The following ERMP1 variants were observed in gnomAD, a reference collection of about 807,000 sequenced individuals.
ERMP1 encodes the protein Felix-ina.
ERMP1 carries 86 observed loss-of-function variants against 92.0 expected under a neutral mutation model. The ratio of observed to expected loss-of-function variants is 0.93; its 90% CI spans 0.79 to 1.12. ERMP1 has a LOEUF of 1.12. ERMP1 is among the 50% of genes most tolerant of loss of function. ERMP1 has a pLI of 0.00. For missense variants in ERMP1, 1,342 were observed against 1,116.3 expected (o/e 1.20, Z -2.88); for synonymous variants, 530 against 412.8 (o/e 1.28, Z -3.44).
At chr9:5,841,201 G>C (rs909167749) in intron 6 of ERMP1, among the ~76,000 whole-genome samples, 2 of 152,160 alleles carry the variant, frequency 1.3e-5, no homozygotes, top group Admixed American at 6.5e-5. Flanking sequence ...CAGAAAGCCA[G>C]AAGTACCAAG....
intron 6 of ERMP1, among the ~76,000 whole-genome samples, chr9:5,849,244 A>G (rs1174748950): frequency 6.6e-6 from 1 of 152,144 alleles, no homozygotes; most frequent in Non-Finnish European, 1.5e-5. Flanking sequence ...GAGGGTCTCA[A>G]TCTCTTGACC....
intron 5 of ERMP1, among the ~76,000 whole-genome samples, chr9:5,865,753 G>A (rs1253413292): frequency 6.1e-5 from 9 of 147,700 alleles, no homozygotes; most frequent in South Asian, 2.1e-4. Flanking sequence ...CATGAGAATC[G>A]CTGGAAACTG....
intron 6 of ERMP1, among the ~76,000 whole-genome samples, chr9:5,841,315 G>A (rs551990859): frequency 6.6e-6 from 1 of 152,298 alleles, no homozygotes; most frequent in Admixed American, 6.5e-5. Context: ...GATGAGCCTT[G>A]AAAACATTGT....
intron 6 of ERMP1, among the ~76,000 whole-genome samples, chr9:5,850,584 ACT>A (rs1363487681): frequency 1.3e-5 from 2 of 152,136 alleles, no homozygotes; most frequent in African/African-American, 4.8e-5. Context: ...GAAAATGCTC[ACT>A]GTCAGTGGTT....
Position 5,784,848 on chromosome 9 carries a change from A to G in ERMP1, c.*2296T>C, listed in dbSNP as rs1340892466. 1 of 152,576 alleles carries G rather than the reference A, an allele frequency of 6.6e-6. No individual in the cohort carries two copies. Among genetic ancestry groups the G allele is most frequent in the African/African-American group, 2.4e-5 (1 of 41,454 alleles). 9.5% of individuals were successfully genotyped at this position (152,576 alleles called of 1,614,324 possible). The stretch of plus-strand genomic sequence containing the variant: ...TCAATTCCTCACACTTTTTCCCTGA[A>G]TATGCAGTACTGTACTACTAACATC... On this transcript the variant is annotated 3_prime_UTR_variant, in exon 15 of 15. Coordinates refer to ENST00000339450, the MANE Select transcript of ERMP1 (RefSeq NM_024896.3).
At chr9:5,796,812 C>T (rs1828442820) in intron 13 of ERMP1, among the ~76,000 whole-genome samples, 1 of 152,052 alleles carries the variant, frequency 6.6e-6, no homozygotes, top group African/African-American at 2.4e-5. Flanking sequence ...TACATGGCAT[C>T]ACACATTTTT....
At chr9:5,798,300 T>G (rs1352915281) in intron 12 of ERMP1, among the ~76,000 whole-genome samples, 3 of 151,918 alleles carry the variant, frequency 2.0e-5, no homozygotes, top group African/African-American at 7.3e-5. Context: ...CACCGCAACC[T>G]CCACCTCCCG....
In ERMP1 at chr9:5,853,124, C is replaced by T. The variant is rs186057490; in HGVS notation, n.3199+6344G>A. ...GGAAAGTAATGGAAAGCAAGGGTTG[C>T]TTTAGTAAGGTGTCTTTATGCCAAC... On this transcript the variant is annotated intron_variant and non_coding_transcript_variant, in intron 6 of 6. Coordinates refer to the ERMP1 transcript ENST00000690753. Among the ~76,000 whole-genome samples, 698 of 152,240 alleles carry T rather than the reference C, an allele frequency of 4.6e-3. 5 individuals carry two copies. Among genetic ancestry groups the T allele is most frequent in the Non-Finnish European group, 7.4e-3 (505 of 68,018 alleles).
Position 5,798,789 on chromosome 9 carries a change from A to C in ERMP1, c.2270+17T>G. On this transcript the variant is annotated intron_variant, in intron 12 of 14. Coordinates refer to ENST00000339450, the MANE Select transcript of ERMP1 (RefSeq NM_024896.3). ...TTGAGAACAAACTAACCTTAAGCAG[A>C]AAAATAATGAACCAACCTGATCAGA... 1 of 1,583,620 alleles carries C rather than the reference A, an allele frequency of 6.3e-7. No individual in the cohort carries two copies. The highest frequency in any genetic ancestry group is 1.1e-5 in the South Asian group (1 of 90,232).
intron 2 of ERMP1, among the ~76,000 whole-genome samples, chr9:5,829,219 CA>C (rs546458492): frequency 0.024 from 1,368 of 56,412 alleles, 10 homozygotes; most frequent in African/African-American, 0.07. Context: ...GCCCCCCAGC[CA>C]AAAAAAAAAA....
rs1827909054 is a variant in ERMP1 at position 5,785,703 on chromosome 9, GACAGATCC to G, written c.*1433_*1440del. The G allele has an allele frequency of 6.5e-6, 1 of 152,726 alleles. No homozygotes were observed. The highest frequency in any genetic ancestry group is 1.5e-5 in the Non-Finnish European group (1 of 68,040). 9.5% of individuals were successfully genotyped at this position (152,726 alleles called of 1,614,324 possible). On this transcript the variant is annotated 3_prime_UTR_variant, in exon 15 of 15. Transcript: ENST00000339450. ...ATACTTACTGTGCTCTTTCTATTCA[GACAGATCC>G]ACAGACCACCTTTCAAGAGCATTCC...
chr9:5,798,744 T>C (rs1224687307), intron 12 of ERMP1, 62 bp downstream of exon 12: 3 of 1,009,864 alleles, frequency 3.0e-6, no homozygotes, highest in Non-Finnish European at 4.6e-6. Flanking sequence ...ATGATAAGAG[T>C]ACTGATATGG....
At chr9:5,840,618 T>G (rs980559608) in intron 6 of ERMP1, among the ~76,000 whole-genome samples, 1 of 152,242 alleles carries the variant, frequency 6.6e-6, no homozygotes, top group African/African-American at 2.4e-5. Flanking sequence ...GATGCCGCAG[T>G]TCAGAGCATG....
Position 5,797,860 on chromosome 9 carries a change from T to A in ERMP1, c.2343A>T (p.Glu781Asp), listed in dbSNP as rs1828499753. Residue 781 changes from glutamate to aspartate, a missense_variant, in exon 13 of 15, where the codon GAA becomes GAT. Physicochemically the swap from Glu to Asp is conservative, Grantham distance 45. Transcript: ENST00000339450. ...NPPHFRLISK[E>D]QTPWDSIKLT... ...ATTTTATAGAATCCCAAGGTGTCTG[T>A]TCTTTGGATATGAGTCGGAAATGAG... The A allele has an allele frequency of 1.2e-6, 2 of 1,613,664 alleles. No homozygotes were observed. Among genetic ancestry groups the A allele is most frequent in the East Asian group, 4.5e-5 (2 of 44,858 alleles).
At chr9:5,792,292 T>C (rs994831490) in intron 13 of ERMP1, among the ~76,000 whole-genome samples, 7 of 152,178 alleles carry the variant, frequency 4.6e-5, no homozygotes, top group Admixed American at 3.9e-4. Flanking sequence ...GAAATCGATA[T>C]TTGAAAGATA....
intron 13 of ERMP1, among the ~76,000 whole-genome samples, chr9:5,792,506 C>A (rs1184708071): frequency 6.6e-6 from 1 of 152,132 alleles, no homozygotes; most frequent in Non-Finnish European, 1.5e-5. Flanking sequence ...TTCAGTAAAT[C>A]TTCTTAAAAA....
intron 8 of ERMP1, among the ~76,000 whole-genome samples, chr9:5,808,756 G>GTTTGTTTGTTGTT (rs1455118864): frequency 2.6e-5 from 4 of 151,970 alleles, no homozygotes; most frequent in African/African-American, 9.7e-5. Context: ...TTGTTTGTTT[G>GTTTGTTTGTTGTT]AGATAGGGTC....
chr9:5,790,480 A>T (rs1258455312), intron 13 of ERMP1, among the ~76,000 whole-genome samples: 2 of 152,210 alleles, frequency 1.3e-5, no homozygotes, highest in African/African-American at 4.8e-5. Context: ...CTTACCCACT[A>T]AAAGAAAAAC....
At chr9:5,817,932 T>C (rs1039901689) in intron 4 of ERMP1, among the ~76,000 whole-genome samples, 1 of 152,154 alleles carries the variant, frequency 6.6e-6, no homozygotes, top group Non-Finnish European at 1.5e-5. Flanking sequence ...ACATGAGGCC[T>C]GAAAACTGAC....
Sources: allele counts gnomAD v4.1 joint callset (sites outside exome capture counted in the v4.1 genomes callset), GRCh38; gene constraint gnomAD v4.1.1; transcripts MANE v1.5; gene names NCBI Gene and HGNC (gene_info 2026-07-23, HGNC 2026-07-21).